The following RUFY2 variants were observed in gnomAD, a reference collection of about 807,000 sequenced individuals.
RUFY2 encodes RUN and FYVE domain containing 2.
In RUFY2, 49 loss-of-function variants were observed where a neutral mutation model predicts 94.4. The observed-to-expected ratio is 0.52, with a 90% CI of 0.41 to 0.66. RUFY2 has a LOEUF of 0.66. Among genes scored for constraint, RUFY2 ranks in the 30% least tolerant of loss-of-function variants. RUFY2 has a pLI of 0.00. For synonymous variants in RUFY2, 255 were observed against 235.7 expected (o/e 1.08, Z -0.75); for missense variants, 541 against 692.8 (o/e 0.78, Z 2.46).
chr10:68,366,151 A>T (rs2047795061), intron 13 of RUFY2, among the ~76,000 whole-genome samples: 1 of 151,820 alleles, frequency 6.6e-6, no homozygotes, highest in Admixed American at 6.6e-5. Context: ...ACATGGTGAA[A>T]CCCCATCTCT....
chr10:68,347,139 G>GA (rs35691041), intron 16 of RUFY2, among the ~76,000 whole-genome samples: 2 of 149,022 alleles, frequency 1.3e-5, no homozygotes, highest in East Asian at 2.0e-4. Flanking sequence ...AAAAAGAGGG[G>GA]AAAAAAAAAG....
chr10:68,387,225 C>T (rs886217649), intron 7 of RUFY2, among the ~76,000 whole-genome samples: 6 of 151,916 alleles, frequency 3.9e-5, no homozygotes, highest in Non-Finnish European at 5.9e-5. Flanking sequence ...AGCGTGGTGG[C>T]GGGCGTCTGT....
Position 68,353,074 on chromosome 10 carries a change from T to C in RUFY2, c.1599+2279A>G, listed in dbSNP as rs535373814. On this transcript the variant is annotated intron_variant, in intron 16 of 17. Transcript: ENST00000602465. ...GGGGCTAGATGCAGTGGCTCACACCTGTAAGCCCAGCACTTTGGGAGGCCG... is the reference window on the plus strand; with the variant it reads ...GGGGCTAGATGCAGTGGCTCACACCCGTAAGCCCAGCACTTTGGGAGGCCG... Among the ~76,000 whole-genome samples the C allele has an allele frequency of 4.1e-4, 62 of 152,230 alleles. No homozygotes were observed. The South Asian group carries it at 5.8e-3, about 14-fold the overall frequency.
chr10:68,395,208 C>G, intron 4 of RUFY2, among the ~76,000 whole-genome samples: 1 of 151,946 alleles, frequency 6.6e-6, no homozygotes, highest in Admixed American at 6.6e-5. Context: ...CGTGGTGGCA[C>G]ACGCCTGTAA....
At chr10:68,386,515 A>C (rs965332220) in intron 7 of RUFY2, among the ~76,000 whole-genome samples, 19 of 152,082 alleles carry the variant, frequency 1.2e-4, no homozygotes, top group African/African-American at 4.6e-4. Flanking sequence ...ATGCCCGGCT[A>C]ATTTTTGTAT....
chr10:68,383,711 A>C (rs1396256575), intron 10 of RUFY2, 87 bp downstream of exon 10: 2 of 930,716 alleles, frequency 2.1e-6, no homozygotes, highest in East Asian at 2.4e-5. Context: ...AAAAAGGATA[A>C]GGCTGAAAAA....
At chr10:68,342,223 G>T, downstream of RUFY2, 2 of 526,116 alleles carry the variant, frequency 3.8e-6, no homozygotes, top group South Asian at 3.4e-5. Flanking sequence ...GTTTTCTGTA[G>T]GTTTATTTGT....
chr10:68,360,948 T>C (rs2047419502), intron 15 of RUFY2, among the ~76,000 whole-genome samples: 1 of 150,442 alleles, frequency 6.6e-6, no homozygotes, highest in Non-Finnish European at 1.5e-5. Flanking sequence ...TAGACATTTA[T>C]ATGATCATGC....
intron 16 of RUFY2, among the ~76,000 whole-genome samples, chr10:68,347,900 TA>T (rs2046392899): frequency 6.7e-6 from 1 of 149,358 alleles, no homozygotes; most frequent in Non-Finnish European, 1.5e-5. Context: ...GATACATTTC[TA>T]AAAACAAGAG....
Position 68,364,060 on chromosome 10 carries a change from T to C in RUFY2, c.1379A>G (p.Gln460Arg). Residue 460 changes from glutamine (Q) to arginine (R), a missense_variant, in exon 14 of 18, where the codon CAG becomes CGG. By Grantham distance (43) the Gln-to-Arg change is conservative. Around this residue, in one of 3 missense-constraint regions of RUFY2, gnomAD observed 403 missense variants for 480.7 expected, o/e 0.84. Coordinates refer to ENST00000602465, the MANE Select transcript of RUFY2 (RefSeq NM_001330103.2). Reference protein sequence around the residue: ...KIEKEWRQTLQEDLQKEKDAL... With the variant: ...KIEKEWRQTLREDLQKEKDAL... ...ATCTTTCTCCTTTTGAAGATCTTCCTGCAAAGTCTGCCTCCATTCCTTCTC... is the reference window on the plus strand; with the variant it reads ...ATCTTTCTCCTTTTGAAGATCTTCCCGCAAAGTCTGCCTCCATTCCTTCTC... 1 of 1,613,198 alleles carries C rather than the reference T, an allele frequency of 6.2e-7. No homozygotes were observed. Among genetic ancestry groups the C allele is most frequent in the Non-Finnish European group, 8.5e-7 (1 of 1,179,376 alleles).
Position 68,348,350 on chromosome 10 carries a change from A to AT in RUFY2, c.1600-2267_1600-2266insA, listed in dbSNP as rs539588541. Reference sequence around the variant, plus strand: ...GCAAGACCCCATCTCTACAAAAAAAAATATAAATGAAAAGAAATTAGCCAA... The same window carrying AT: ...GCAAGACCCCATCTCTACAAAAAAAATATATAAATGAAAAGAAATTAGCCAA... On this transcript the variant is annotated intron_variant, in intron 16 of 17. Coordinates refer to ENST00000602465, the MANE Select transcript of RUFY2 (RefSeq NM_001330103.2). 3.6e-3 allele frequency among the ~76,000 whole-genome samples: 552 copies of AT among 152,000 alleles called. 6 individuals carry two copies. The highest frequency in any genetic ancestry group is 0.013 in the African/African-American group (536 of 41,424).
rs2048866164 is a variant in RUFY2, at chr10:68,379,283, A to C, written c.1205+141T>G. Reference sequence around the variant, plus strand: ...ATTCCATGCAACAACCAAAGCAAAAACGCAAAATCCTGCTGGGCTTAAACA... The same window carrying C: ...ATTCCATGCAACAACCAAAGCAAAACCGCAAAATCCTGCTGGGCTTAAACA... On this transcript the variant is annotated intron_variant, in intron 12 of 17. Transcript: ENST00000602465. 2 of 604,780 alleles carry C rather than the reference A, an allele frequency of 3.3e-6. 1 individual carries two copies. The highest frequency in any genetic ancestry group is 5.0e-5 in the South Asian group (2 of 40,158). The allele number at this position is 604,780 out of a possible 1,614,324, so 37.5% of individuals were successfully genotyped here.
intron 3 of RUFY2, among the ~76,000 whole-genome samples, chr10:68,400,615 G>A (rs935175828): frequency 2.0e-5 from 3 of 151,618 alleles, no homozygotes; most frequent in Non-Finnish European, 2.9e-5. Flanking sequence ...GGCGGAGGTT[G>A]CAGTGAGCTG....
At chr10:68,382,811 G>A (rs200711682) in intron 10 of RUFY2, among the ~76,000 whole-genome samples, 69 of 152,162 alleles carry the variant, frequency 4.5e-4, no homozygotes, top group East Asian at 1.4e-3. Flanking sequence ...CTTGACCTGG[G>A]TGGAGGTTAC....
intron 3 of RUFY2, among the ~76,000 whole-genome samples, chr10:68,400,838 C>T (rs1367582884): frequency 6.6e-6 from 1 of 151,772 alleles, no homozygotes. Context: ...TGGTGAAACC[C>T]GATCTCTACT....
At position 68,364,115 on chromosome 10, in the gene RUFY2, T is replaced by C. The variant is rs773852339; in HGVS notation, c.1326-2A>G. On this transcript the variant is annotated splice_acceptor_variant, in intron 13 of 17. Coordinates refer to ENST00000602465, the MANE Select transcript of RUFY2 (RefSeq NM_001330103.2). LOFTEE classifies it high-confidence loss of function. ...TTCAAGTCAGTTTCCAGTTGCACCC[T>C]TGAATGACAAATAACACACAGAAGC... 1.2e-6 allele frequency: 2 copies of C among 1,610,664 alleles called. No homozygotes were observed. The highest frequency in any genetic ancestry group is 1.7e-6 in the Non-Finnish European group (2 of 1,178,292).
intron 11 of RUFY2, among the ~76,000 whole-genome samples, chr10:68,380,813 G>T (rs1163460233): frequency 6.6e-6 from 1 of 151,904 alleles, no homozygotes; most frequent in African/African-American, 2.4e-5. Flanking sequence ...AGTGCGTCGA[G>T]ATCTCACCAC....
rs150771465 is a variant in RUFY2 at position 68,350,962 on chromosome 10, C to T, written c.1599+4391G>A. Among the ~76,000 whole-genome samples the T allele has an allele frequency of 8.0e-3, 1,218 of 152,080 alleles. 27 individuals carry two copies. Among genetic ancestry groups the T allele is most frequent in the African/African-American group, 0.028 (1,148 of 41,496 alleles). The stretch of plus-strand genomic sequence containing the variant: ...CCGACCTCAGGTGATCTGCCCACCT[C>T]GGCCTCCTAAAGTGCTGGGACTGCA... On this transcript the variant is annotated intron_variant, in intron 16 of 17. Coordinates refer to ENST00000602465, the MANE Select transcript of RUFY2 (RefSeq NM_001330103.2).
At chr10:68,402,891 A>ACCCCAGC (rs71273639) in intron 2 of RUFY2, among the ~76,000 whole-genome samples, 2 of 133,844 alleles carry the variant, frequency 1.5e-5, no homozygotes, top group Non-Finnish European at 3.1e-5. Context: ...TGTCTCCCAG[A>ACCCCAGC]CTGGAGTGCA....
Sources: allele counts gnomAD v4.1 joint callset (sites outside exome capture counted in the v4.1 genomes callset), GRCh38; gene constraint gnomAD v4.1.1; regional missense constraint gnomAD v4.1.1; transcripts MANE v1.5; gene names NCBI Gene and HGNC (gene_info 2026-07-23, HGNC 2026-07-21).